Variants in KIRREL3 observed in about 807,000 individuals in gnomAD.
The protein encoded by KIRREL3 is kin of IRRE-like protein 3.
A neutral mutation model predicts 89.7 loss-of-function variants in KIRREL3; 36 were observed. The observed-to-expected ratio is 0.40, with a 90% CI of 0.31 to 0.53. KIRREL3 has a LOEUF of 0.53. Among genes scored for constraint, KIRREL3 ranks in the 20% least tolerant of loss-of-function variants. The pLI, the probability that KIRREL3 is intolerant of heterozygous loss-of-function variation, is 0.49. For missense variants in KIRREL3, 864 were observed against 1,056.6 expected (o/e 0.82, Z 2.53); for synonymous variants, 445 against 441.4 (o/e 1.01, Z -0.10).
rs984089303 is a variant in KIRREL3 at position 126,677,660 on chromosome 11, G to A, written c.56-114748C>T. ...GCTGAAGCAGGGCTGGGATGGGGGT[G>A]TGAAGACAGAAAATCCACCAGCAGC... On this transcript the variant is annotated intron_variant, in intron 1 of 16. Coordinates refer to ENST00000525144, the MANE Select transcript of KIRREL3 (RefSeq NM_032531.4). This position sits in a 1 kb window ranked among gnomAD's most constrained non-coding sequence, Gnocchi z 5.1. Among the ~76,000 whole-genome samples, 2 of 152,164 alleles carry A rather than the reference G, an allele frequency of 1.3e-5. No individual in the cohort carries two copies. The highest frequency in any genetic ancestry group is 2.4e-5 in the African/African-American group (1 of 41,440).
At position 126,900,410 on chromosome 11, in the gene KIRREL3, C is replaced by T. The variant is rs937178559; in HGVS notation, c.55+100045G>A. On this transcript the variant is annotated intron_variant, in intron 1 of 16. Transcript: ENST00000525144. This position sits in a 1 kb window ranked among gnomAD's most constrained non-coding sequence, Gnocchi z 4.4. Reference sequence around the variant, plus strand: ...GAAATAACAAACACAAAAAAGAAAGCCTGCATGTTTATTGATAACAACCTG... The same window carrying T: ...GAAATAACAAACACAAAAAAGAAAGTCTGCATGTTTATTGATAACAACCTG... Among the ~76,000 whole-genome samples the T allele has an allele frequency of 6.6e-6, 1 of 152,166 alleles. No homozygotes were observed. The highest frequency in any genetic ancestry group is 6.5e-5 in the Admixed American group (1 of 15,272).
At chr11:126,717,754 A>G (rs2134162291) in intron 1 of KIRREL3, among the ~76,000 whole-genome samples, 1 of 152,272 alleles carries the variant, frequency 6.6e-6, no homozygotes, top group East Asian at 1.9e-4. Context: ...TAGCAAAATT[A>G]TTTTCTGCCG....
At chr11:126,793,141 T>G (rs1592136490) in intron 1 of KIRREL3, among the ~76,000 whole-genome samples, 1 of 145,482 alleles carries the variant, frequency 6.9e-6, no homozygotes, top group Non-Finnish European at 1.5e-5. Flanking sequence ...TCTTGTAAGG[T>G]TTATTGCAAA....
chr11:126,436,502 C>T (rs1221724318), intron 12 of KIRREL3, among the ~76,000 whole-genome samples: 1 of 152,266 alleles, frequency 6.6e-6, no homozygotes, highest in Admixed American at 6.5e-5. Context: ...TACTGGGCAG[C>T]TTGTCACTGC....
Position 126,639,379 on chromosome 11 carries a change from C to T in KIRREL3, c.56-76467G>A, listed in dbSNP as rs534500968. Among the ~76,000 whole-genome samples, 10 of 152,216 alleles carry T rather than the reference C, an allele frequency of 6.6e-5. No individual in the cohort carries two copies. Among genetic ancestry groups the T allele is most frequent in the Admixed American group, 3.3e-4 (5 of 15,296 alleles). On this transcript the variant is annotated intron_variant, in intron 1 of 16. Transcript: ENST00000525144. The surrounding 1 kb of genome is among the most constrained non-coding windows in gnomAD (Gnocchi z 4.3). ...ACCTCTGGGTAAGCAAAAGGAAAAA[C>T]GTTCCTTTGCTTTACCAAACCTCAT...
At chr11:126,919,527 G>A (rs780164864) in intron 1 of KIRREL3, among the ~76,000 whole-genome samples, 27 of 152,198 alleles carry the variant, frequency 1.8e-4, no homozygotes, top group Non-Finnish European at 2.9e-4. Context: ...CACCACCCAA[G>A]GCCTGCAACA....
chr11:126,821,687 T>A (rs1477364765), intron 1 of KIRREL3, among the ~76,000 whole-genome samples: 2 of 151,848 alleles, frequency 1.3e-5, no homozygotes, highest in African/African-American at 4.8e-5. Flanking sequence ...GAAATTGAGA[T>A]GAGGAGAGTA....
In KIRREL3 at chr11:126,656,259, C is replaced by A; in HGVS notation, c.56-93347G>T. ...TCTGCCGTTCATATCTGTGAGATAT[C>A]AGGCTGGTTTCTTAACCATAACCTC... On this transcript the variant is annotated intron_variant, in intron 1 of 16. Transcript: ENST00000525144. The surrounding 1 kb of genome is among the most constrained non-coding windows in gnomAD (Gnocchi z 4.0). 1 of 423,614 alleles carries A rather than the reference C, an allele frequency of 2.4e-6. No individual in the cohort carries two copies. The highest frequency in any genetic ancestry group is 4.8e-6 in the Non-Finnish European group (1 of 207,706). 26.2% of individuals were successfully genotyped at this position (423,614 alleles called of 1,614,324 possible).
intron 2 of KIRREL3, among the ~76,000 whole-genome samples, chr11:126,538,199 T>C (rs1044579802): frequency 8.5e-5 from 13 of 152,226 alleles, no homozygotes; most frequent in African/African-American, 3.1e-4. Context: ...CACAGCCTCC[T>C]GGAGTGTTGT....
intron 2 of KIRREL3, among the ~76,000 whole-genome samples, chr11:126,552,346 G>T (rs557933732): frequency 6.6e-6 from 1 of 152,164 alleles, no homozygotes; most frequent in Admixed American, 6.5e-5. Flanking sequence ...CTTACCACCA[G>T]GCCCCCTAGT....
chr11:126,597,562 T>C (rs773554756), intron 1 of KIRREL3, among the ~76,000 whole-genome samples: 4 of 152,116 alleles, frequency 2.6e-5, no homozygotes, highest in Admixed American at 6.5e-5. Flanking sequence ...GACAACCCTG[T>C]CACATTCTTT....
Position 126,805,226 on chromosome 11 carries a change from G to A in KIRREL3, c.55+195229C>T, listed in dbSNP as rs1180873827. 6.6e-6 allele frequency among the ~76,000 whole-genome samples: 1 copy of A among 152,172 alleles called. No homozygotes were observed. The highest frequency in any genetic ancestry group is 1.5e-5 in the Non-Finnish European group (1 of 68,040). ...AAATTAATACATGAAACAATGCAGT[G>A]ATGACAAGTGTTCTAAAAACTATAG... On this transcript the variant is annotated intron_variant, in intron 1 of 16. Transcript: ENST00000525144. The surrounding 1 kb of genome is among the most constrained non-coding windows in gnomAD (Gnocchi z 4.3).
chr11:126,794,371 T>C (rs988334201), intron 1 of KIRREL3, among the ~76,000 whole-genome samples: 1 of 152,204 alleles, frequency 6.6e-6, no homozygotes, highest in African/African-American at 2.4e-5. Context: ...CAAGAGGACA[T>C]GGGCTTTTTA....
rs1944953835 is a variant in KIRREL3 at position 126,867,180 on chromosome 11, C to T, written c.55+133275G>A. ...CCCACAATCTGCCTGTCTGCCTGCT[C>T]CCCCCAGGGGTTTGAGCAGCGGGGC... is the stretch of plus-strand genomic sequence containing the variant. On this transcript the variant is annotated intron_variant, in intron 1 of 16. Transcript: ENST00000525144. This position sits in a 1 kb window ranked among gnomAD's most constrained non-coding sequence, Gnocchi z 4.7. Among the ~76,000 whole-genome samples the T allele has an allele frequency of 6.6e-6, 1 of 152,174 alleles. No individual in the cohort carries two copies. The highest frequency in any genetic ancestry group is 2.1e-4 in the South Asian group (1 of 4,822).
chr11:126,970,227 G>A lies in KIRREL3; in HGVS notation c.55+30228C>T, dbSNP rs576784838. 7.2e-5 allele frequency among the ~76,000 whole-genome samples: 11 copies of A among 152,222 alleles called. 1 individual carries two copies. In the East Asian group the frequency reaches 1.5e-3, roughly 21 times the overall value. On this transcript the variant is annotated intron_variant, in intron 1 of 16. Transcript: ENST00000525144. The surrounding 1 kb of genome is among the most constrained non-coding windows in gnomAD (Gnocchi z 4.4). Reference sequence around the variant, plus strand: ...CCACTTAAGACACTCTTGTTTCCCCGTATTTTTACTCATTTCCTTTGGTTT... The same window carrying A: ...CCACTTAAGACACTCTTGTTTCCCCATATTTTTACTCATTTCCTTTGGTTT...
intron 4 of KIRREL3, among the ~76,000 whole-genome samples, chr11:126,506,376 C>T (rs1958015120): frequency 6.6e-6 from 1 of 152,160 alleles, no homozygotes; most frequent in African/African-American, 2.4e-5. Flanking sequence ...GACTTGTATC[C>T]TGGCTATAAA....
chr11:126,881,795 T>A (rs4608096), intron 1 of KIRREL3, among the ~76,000 whole-genome samples: 2 of 151,878 alleles, frequency 1.3e-5, no homozygotes, highest in African/African-American at 4.8e-5. Flanking sequence ...TGATCTGCCT[T>A]CCTCAGCCTC....
chr11:126,787,005 T>C (rs972636346), intron 1 of KIRREL3, among the ~76,000 whole-genome samples: 5 of 152,222 alleles, frequency 3.3e-5, no homozygotes, highest in Non-Finnish European at 4.4e-5. Context: ...CACACTCCCT[T>C]ATCTGCAGTT....
intron 1 of KIRREL3, among the ~76,000 whole-genome samples, chr11:126,675,865 C>T (rs577772525): frequency 2.5e-4 from 38 of 152,064 alleles, no homozygotes; most frequent in East Asian, 7.7e-4. Flanking sequence ...TTGGAGGCCA[C>T]TTAGGAGGCC....
Sources: allele counts gnomAD v4.1 joint callset (sites outside exome capture counted in the v4.1 genomes callset), GRCh38; gene constraint gnomAD v4.1.1; non-coding constraint Gnocchi (gnomAD v3.1); transcripts MANE v1.5; gene names NCBI Gene and HGNC (gene_info 2026-07-23, HGNC 2026-07-21).